LDB2: variants seen among roughly 807,000 people sequenced by gnomAD.
LDB2 encodes LIM domain binding 2.
In LDB2, 12 loss-of-function variants were observed where a neutral mutation model predicts 44.3. That is an observed-to-expected ratio of 0.27 (90% CI 0.17 to 0.44). The LOEUF (loss-of-function observed/expected upper bound fraction) is 0.44, where lower values mean the gene tolerates loss of function less well. Ranked by LOEUF, LDB2 falls within the 20% of genes least tolerant of loss-of-function variation. The pLI is 1.00. For synonymous variants in LDB2, 164 were observed against 174.8 expected (o/e 0.94, Z 0.49); for missense variants, 344 against 473.5 (o/e 0.73, Z 2.54).
intron 1 of LDB2, among the ~76,000 whole-genome samples, chr4:16,823,092 A>G (rs1782413384): frequency 6.6e-6 from 1 of 152,178 alleles, no homozygotes; most frequent in South Asian, 2.1e-4. Context: ...CACTTGATAT[A>G]AGCACAATTT....
chr4:16,608,203 CTTCAAAAA>C (rs1425013740), intron 2 of LDB2, among the ~76,000 whole-genome samples: 6 of 95,824 alleles, frequency 6.3e-5, no homozygotes, highest in African/African-American at 3.2e-4. Flanking sequence ...AATCACACTT[CTTCAAAAA>C]AAAAAAAAAA....
chr4:16,540,317 G>A (rs1390539631), intron 5 of LDB2, among the ~76,000 whole-genome samples: 1 of 152,116 alleles, frequency 6.6e-6, no homozygotes, highest in Non-Finnish European at 1.5e-5. Context: ...TGCAACCTTG[G>A]ACATCATTTT....
At chr4:16,760,371 G>A (rs1023955982) in intron 1 of LDB2, among the ~76,000 whole-genome samples, 1 of 152,084 alleles carries the variant, frequency 6.6e-6, no homozygotes, top group African/African-American at 2.4e-5. Context: ...CTCAGTCCCA[G>A]CAAGAATAAT....
intron 5 of LDB2, among the ~76,000 whole-genome samples, chr4:16,580,160 G>A (rs561117884): frequency 4.5e-4 from 68 of 152,278 alleles, no homozygotes; most frequent in African/African-American, 1.6e-3. Context: ...GACCAATTTG[G>A]ATTAACTGTA....
At chr4:16,712,629 T>G (rs1756162722) in intron 2 of LDB2, among the ~76,000 whole-genome samples, 1 of 152,080 alleles carries the variant, frequency 6.6e-6, no homozygotes, top group African/African-American at 2.4e-5. Context: ...ACATCATTAG[T>G]CACTAGGGAA....
chr4:16,690,380 T>C (rs1750340208), intron 2 of LDB2, among the ~76,000 whole-genome samples: 1 of 150,650 alleles, frequency 6.6e-6, no homozygotes. Flanking sequence ...GAGAATCACC[T>C]GAGCCCAGGA....
chr4:16,671,296 T>C (rs12642168), intron 2 of LDB2, among the ~76,000 whole-genome samples: 20,475 of 152,162 alleles, frequency 0.13, 1,603 homozygotes, highest in East Asian at 0.27. Context: ...TCTGGGGTAC[T>C]TTGAATCACA....
chr4:16,591,755 G>A (rs1206658372), intron 3 of LDB2, among the ~76,000 whole-genome samples: 2 of 152,000 alleles, frequency 1.3e-5, no homozygotes, highest in Non-Finnish European at 2.9e-5. Context: ...TTCCTATTCA[G>A]AAATGGTAAA....
At chr4:16,641,290 G>A (rs1735092646) in intron 2 of LDB2, among the ~76,000 whole-genome samples, 1 of 152,148 alleles carries the variant, frequency 6.6e-6, no homozygotes, top group Non-Finnish European at 1.5e-5. Flanking sequence ...AGAGGAACAG[G>A]AAATGAACCT....
intron 2 of LDB2, among the ~76,000 whole-genome samples, chr4:16,653,353 G>T (rs373950290): frequency 5.6e-4 from 85 of 152,206 alleles, no homozygotes; most frequent in African/African-American, 1.9e-3. Context: ...AGTTTTACAT[G>T]TGGCAATATC....
At chr4:16,885,333 A>T (rs1721356148) in intron 1 of LDB2, among the ~76,000 whole-genome samples, 1 of 149,842 alleles carries the variant, frequency 6.7e-6, no homozygotes, top group Non-Finnish European at 1.5e-5. Context: ...CTGTCTCAAA[A>T]AAATAAAAAA....
chr4:16,781,741 C>T (rs1189972666), intron 1 of LDB2, among the ~76,000 whole-genome samples: 2 of 152,112 alleles, frequency 1.3e-5, no homozygotes, highest in Non-Finnish European at 2.9e-5. Context: ...CCTGGAATCT[C>T]GGAATGTGAC....
At chr4:16,898,289 T>C (rs1027812980) in intron 1 of LDB2, 65 bp downstream of exon 1, 1 of 1,507,704 alleles carries the variant, frequency 6.6e-7, no homozygotes. Context: ...CCAGAAACCC[T>C]AGGAAAAGCT....
chr4:16,662,861 G>A (rs1277574042), intron 2 of LDB2, among the ~76,000 whole-genome samples: 1 of 151,726 alleles, frequency 6.6e-6, no homozygotes, highest in Non-Finnish European at 1.5e-5. Context: ...CGTCTCGGGG[G>A]CTTCTTCATT....
chr4:16,665,168 G>A (rs1303372511), intron 2 of LDB2, among the ~76,000 whole-genome samples: 1 of 151,734 alleles, frequency 6.6e-6, no homozygotes, highest in Non-Finnish European at 1.5e-5. Context: ...GCAGCCTCCA[G>A]TTTGGATCGG....
At chr4:16,556,653 G>C (rs1268905151) in intron 5 of LDB2, among the ~76,000 whole-genome samples, 1 of 152,170 alleles carries the variant, frequency 6.6e-6, no homozygotes, top group East Asian at 1.9e-4. Context: ...TTTAAAGAGG[G>C]GTGAGAGACC....
chr4:16,528,812 T>C (rs1729134923), intron 5 of LDB2, among the ~76,000 whole-genome samples: 1 of 152,136 alleles, frequency 6.6e-6, no homozygotes, highest in South Asian at 2.1e-4. Context: ...GTATAGGGGC[T>C]TCATGAGGCT....
At chr4:16,740,364 G>A (rs1460742382) in intron 2 of LDB2, among the ~76,000 whole-genome samples, 1 of 152,196 alleles carries the variant, frequency 6.6e-6, no homozygotes, top group Admixed American at 6.5e-5. Flanking sequence ...CCACATGCGA[G>A]CCTTGGAGGT....
chr4:16,762,211 T>C (rs1232344355), intron 1 of LDB2, among the ~76,000 whole-genome samples: 5 of 152,052 alleles, frequency 3.3e-5, no homozygotes, highest in Non-Finnish European at 7.4e-5. Context: ...AAAAATGAAC[T>C]TTATAAAATA....
Sources: gnomAD v4.1 joint callset for allele counts (sites outside exome capture counted in the v4.1 genomes callset) on GRCh38, gnomAD v4.1.1 for gene constraint, MANE v1.5 for transcripts, NCBI Gene and HGNC (gene_info 2026-07-23, HGNC 2026-07-21) for gene names.